NAALADL2: variants seen among roughly 807,000 people sequenced by gnomAD.
NAALADL2 encodes the protein inactive N-acetylated-alpha-linked acidic dipeptidase-like protein 2.
NAALADL2 carries 76 observed loss-of-function variants against 87.2 expected under a neutral mutation model. The ratio of observed to expected loss-of-function variants is 0.87; its 90% CI spans 0.72 to 1.05. NAALADL2 has a LOEUF of 1.05. Ranked by LOEUF, NAALADL2 falls within the 50% of genes least tolerant of loss-of-function variation. The probability of loss-of-function intolerance (pLI) is 0.00; values close to 1 mark genes in which losing one functional copy is unlikely to be tolerated. For synonymous variants in NAALADL2, 354 were observed against 331.0 expected, an observed-to-expected ratio of 1.07 and a Z score of -0.75; for missense variants, 1,089 against 945.8, an observed-to-expected ratio of 1.15 and a Z score of -1.99.
chr3:174,790,841 T>C (rs1187742926), intron 3 of NAALADL2, among the ~76,000 whole-genome samples: 2 of 152,168 alleles, frequency 1.3e-5, no homozygotes, highest in Non-Finnish European at 2.9e-5. Flanking sequence ...TATATTGTCT[T>C]ATTATTATTT....
rs185702687 is a variant in NAALADL2 at position 175,275,129 on chromosome 3, T to C, written c.939+18599T>C. Among the ~76,000 whole-genome samples, 3 of 152,314 alleles carry C rather than the reference T, an allele frequency of 2.0e-5. No homozygotes were observed. The East Asian group carries it at 5.8e-4, about 29-fold the overall frequency. On this transcript the variant is annotated intron_variant, in intron 4 of 13. Transcript: ENST00000454872. The stretch of plus-strand genomic sequence containing the variant: ...GATATGTTGGCACTGTAGAAGTTTT[T>C]CTAGTATCATGAGATAGCCAGAGTA...
chr3:175,415,576 A>G (rs377162037), intron 5 of NAALADL2, among the ~76,000 whole-genome samples: 2 of 152,312 alleles, frequency 1.3e-5, no homozygotes, highest in East Asian at 3.9e-4. Context: ...TAAATAAAAA[A>G]TACCAAACAC....
At chr3:175,132,244 C>A (rs1177758680) in intron 2 of NAALADL2, among the ~76,000 whole-genome samples, 39 of 31,924 alleles carry the variant, frequency 1.2e-3, no homozygotes, top group Non-Finnish European at 1.5e-3. Flanking sequence ...CCGGACGGGG[C>A]GGCTGGCCGG....
intron 3 of NAALADL2, among the ~76,000 whole-genome samples, chr3:174,826,970 G>C (rs936070132): frequency 4.6e-5 from 7 of 152,014 alleles, no homozygotes; most frequent in Non-Finnish European, 8.8e-5. Flanking sequence ...ATTAATAAAA[G>C]CACTCTTATT....
At chr3:174,696,607 A>G (rs1398575246) in intron 2 of NAALADL2, among the ~76,000 whole-genome samples, 32 of 151,384 alleles carry the variant, frequency 2.1e-4, no homozygotes, top group African/African-American at 7.3e-4. Context: ...AAAAAAAAAA[A>G]AAAAAAAAAA....
chr3:175,137,637 C>T (rs2108689638), intron 2 of NAALADL2, among the ~76,000 whole-genome samples: 1 of 147,608 alleles, frequency 6.8e-6, no homozygotes, highest in East Asian at 2.0e-4. Context: ...ACAGAGTCTC[C>T]CTCTGTTGCC....
chr3:175,446,662 A>C (rs1334709929), intron 5 of NAALADL2, among the ~76,000 whole-genome samples: 1 of 152,194 alleles, frequency 6.6e-6, no homozygotes, highest in African/African-American at 2.4e-5. Context: ...GACTGGGTAC[A>C]TGAGGATTCC....
chr3:175,418,907 C>G (rs1364843659), intron 5 of NAALADL2, among the ~76,000 whole-genome samples: 1 of 151,906 alleles, frequency 6.6e-6, no homozygotes, highest in Non-Finnish European at 1.5e-5. Context: ...TTTGAACAGT[C>G]GAGAGCAACG....
intron 1 of NAALADL2, among the ~76,000 whole-genome samples, chr3:174,548,722 A>C (rs763470195): frequency 6.6e-6 from 1 of 152,196 alleles, no homozygotes; most frequent in African/African-American, 2.4e-5. Flanking sequence ...AGGAAAAGGC[A>C]CTGACTCCTA....
At chr3:174,695,064 C>T (rs1411628992) in intron 2 of NAALADL2, among the ~76,000 whole-genome samples, 1 of 151,940 alleles carries the variant, frequency 6.6e-6, no homozygotes, top group Non-Finnish European at 1.5e-5. Context: ...ATTATTAAGA[C>T]AGAAAGGGAT....
chr3:175,015,915 A>G (rs913804971), intron 1 of NAALADL2, among the ~76,000 whole-genome samples: 17 of 151,902 alleles, frequency 1.1e-4, no homozygotes, highest in African/African-American at 4.1e-4. Flanking sequence ...CATGTGTTTA[A>G]CTTAATTGTT....
chr3:175,705,444 C>T (rs769336022), intron 11 of NAALADL2, among the ~76,000 whole-genome samples: 5 of 151,636 alleles, frequency 3.3e-5, no homozygotes, highest in Non-Finnish European at 7.4e-5. Context: ...GACAGAGCTC[C>T]TTTGAGAGGT....
chr3:174,769,550 A>C (rs1477335742), intron 3 of NAALADL2, among the ~76,000 whole-genome samples: 1 of 151,748 alleles, frequency 6.6e-6, no homozygotes, highest in African/African-American at 2.4e-5. Context: ...CAATAGCTGG[A>C]GTATTAGAAC....
At chr3:175,729,918 A>C (rs1353806693) in intron 11 of NAALADL2, among the ~76,000 whole-genome samples, 1 of 152,116 alleles carries the variant, frequency 6.6e-6, no homozygotes, top group Non-Finnish European at 1.5e-5. Context: ...CATTTAAAAA[A>C]ATCCCATGAT....
intron 5 of NAALADL2, among the ~76,000 whole-genome samples, chr3:175,369,272 C>CGT: frequency 6.7e-6 from 1 of 150,280 alleles, no homozygotes. Context: ...ATAAATGTTA[C>CGT]ATTTACATAC....
chr3:175,244,949 G>T (rs2054328), intron 3 of NAALADL2, among the ~76,000 whole-genome samples: 117,686 of 152,046 alleles, frequency 0.77, 45,726 homozygotes, highest in East Asian at 0.88. Context: ...GTAAGCAGTA[G>T]GAAAGGGACC....
chr3:174,651,701 T>G (rs1724379943), intron 2 of NAALADL2, among the ~76,000 whole-genome samples: 1 of 152,178 alleles, frequency 6.6e-6, no homozygotes, highest in African/African-American at 2.4e-5. Context: ...TGCTTTTCTC[T>G]AAAGTTAAGG....
intron 2 of NAALADL2, among the ~76,000 whole-genome samples, chr3:174,623,468 C>CATG (rs1721243599): frequency 6.6e-6 from 1 of 151,864 alleles, no homozygotes; most frequent in East Asian, 1.9e-4. Context: ...AAATGATAGA[C>CATG]TAGTATATAC....
chr3:174,865,341 T>A (rs568691863), intron 1 of NAALADL2, among the ~76,000 whole-genome samples: 1 of 152,126 alleles, frequency 6.6e-6, no homozygotes, highest in Non-Finnish European at 1.5e-5. Flanking sequence ...AACTTTACCG[T>A]GTGACTTGAA....
Sources: allele counts gnomAD v4.1 joint callset (sites outside exome capture counted in the v4.1 genomes callset), GRCh38; gene constraint gnomAD v4.1.1; transcripts MANE v1.5; gene names NCBI Gene and HGNC (gene_info 2026-07-23, HGNC 2026-07-21).